The following ADK variants were observed in gnomAD, a reference collection of about 807,000 sequenced individuals.
ADK encodes the protein N6,N6-dimethyladenosine kinase.
Under a neutral mutation model 44.7 loss-of-function variants are expected in ADK, and 24 were observed. The ratio of observed to expected loss-of-function variants is 0.54; its 90% CI spans 0.39 to 0.76. The LOEUF (loss-of-function observed/expected upper bound fraction) is 0.76. Ranked by LOEUF, ADK falls within the 30% of genes least tolerant of loss-of-function variation. The pLI is 0.00. For missense variants in ADK, 321 were observed against 425.1 expected (o/e 0.76, Z 2.15); for synonymous variants, 128 against 142.6 (o/e 0.90, Z 0.73).
chr10:74,187,630 A>G (rs1842805275), intron 1 of ADK, among the ~76,000 whole-genome samples: 1 of 152,002 alleles, frequency 6.6e-6, no homozygotes, highest in East Asian at 1.9e-4. Flanking sequence ...GAATTTGTTG[A>G]TTTATTTTAT....
chr10:74,582,789 A>G (rs1392430345), intron 7 of ADK, among the ~76,000 whole-genome samples: 1 of 152,174 alleles, frequency 6.6e-6, no homozygotes, highest in Non-Finnish European at 1.5e-5. Context: ...AAAATGTTAA[A>G]TAATATTTTT....
intron 7 of ADK, among the ~76,000 whole-genome samples, chr10:74,538,482 C>T (rs1287948607): frequency 6.6e-6 from 1 of 152,126 alleles, no homozygotes; most frequent in Non-Finnish European, 1.5e-5. Context: ...AATTACAAAA[C>T]AGTGAGCAAA....
chr10:74,518,927 A>C (rs376389954), intron 6 of ADK, among the ~76,000 whole-genome samples: 3 of 151,956 alleles, frequency 2.0e-5, no homozygotes, highest in Non-Finnish European at 4.4e-5. Context: ...AGCATTTTCT[A>C]CTTTACTACT....
At chr10:74,388,158 C>T (rs1430591103) in intron 4 of ADK, among the ~76,000 whole-genome samples, 12 of 152,180 alleles carry the variant, frequency 7.9e-5, no homozygotes, top group South Asian at 2.1e-4. Flanking sequence ...CTGCCTGCCT[C>T]GGCTTCCCAA....
intron 9 of ADK, among the ~76,000 whole-genome samples, chr10:74,664,868 T>C (rs575297033): frequency 3.3e-5 from 5 of 152,234 alleles, no homozygotes; most frequent in East Asian, 1.9e-4. Context: ...TATGTGATTC[T>C]GGACTGAATT....
At chr10:74,401,983 TC>T (rs1276572471) in intron 6 of ADK, among the ~76,000 whole-genome samples, 2 of 152,204 alleles carry the variant, frequency 1.3e-5, no homozygotes, top group African/African-American at 4.8e-5. Context: ...GGATTTTATT[TC>T]TCCTTCACTT....
At chr10:74,502,453 C>T (rs1327072445) in intron 6 of ADK, among the ~76,000 whole-genome samples, 1 of 151,958 alleles carries the variant, frequency 6.6e-6, no homozygotes, top group Non-Finnish European at 1.5e-5. Context: ...TCACAGAAGG[C>T]ACCTATATTT....
chr10:74,685,366 C>G (rs1855749500), intron 10 of ADK, among the ~76,000 whole-genome samples: 3 of 152,188 alleles, frequency 2.0e-5, no homozygotes, highest in Admixed American at 2.0e-4. Flanking sequence ...ATGACCAGTT[C>G]TAAAGCCTAA....
At chr10:74,448,001 G>A (rs967831312) in intron 6 of ADK, among the ~76,000 whole-genome samples, 5 of 151,858 alleles carry the variant, frequency 3.3e-5, no homozygotes, top group African/African-American at 9.7e-5. Flanking sequence ...TGGTGAAACC[G>A]CATCTCTACT....
chr10:74,294,895 G>A (rs1441813661), intron 3 of ADK, among the ~76,000 whole-genome samples: 1 of 151,944 alleles, frequency 6.6e-6, no homozygotes, highest in Non-Finnish European at 1.5e-5. Context: ...TTGCTCCGTT[G>A]CTCAGGCTGG....
chr10:74,478,069 GT>G (rs1846924804), intron 6 of ADK, among the ~76,000 whole-genome samples: 1 of 152,058 alleles, frequency 6.6e-6, no homozygotes, highest in Non-Finnish European at 1.5e-5. Context: ...TTATTATAGG[GT>G]TTTTTGGTTT....
intron 9 of ADK, among the ~76,000 whole-genome samples, chr10:74,601,374 TTTTC>T (rs1330115200): frequency 2.6e-5 from 4 of 152,270 alleles, no homozygotes; most frequent in Non-Finnish European, 5.9e-5. Context: ...TGTCAAGATA[TTTTC>T]TTTCTTTTTT....
rs111490822 is a variant in ADK, at chr10:74,375,194, C to T, written c.274-18947C>T. ...ATACATTTTAATTATCCTATAAAAA[C>T]TTAATTACCAATATTGTTTGTAGAT... On this transcript the variant is annotated intron_variant, in intron 4 of 10. Coordinates refer to ENST00000539909, the MANE Select transcript of ADK (RefSeq NM_006721.4). 5.2e-3 allele frequency among the ~76,000 whole-genome samples: 798 copies of T among 152,176 alleles called. 13 individuals are homozygous for T. Among genetic ancestry groups the T allele is most frequent in the African/African-American group, 0.017 (722 of 41,524 alleles).
intron 9 of ADK, chr10:74,654,821 GAAAAAAA>G (rs11354070): frequency 1.5e-5 from 2 of 136,754 alleles, no homozygotes; most frequent in Admixed American, 1.4e-4. Flanking sequence ...TGTCTCAATA[GAAAAAAA>G]AAAAAAAGGC....
intron 2 of ADK, among the ~76,000 whole-genome samples, chr10:74,203,757 GATTATT>G (rs141988599): frequency 1.9e-4 from 29 of 149,008 alleles, no homozygotes; most frequent in African/African-American, 5.4e-4. Flanking sequence ...TGTTTTTCAA[GATTATT>G]ATTATTATTA....
intron 4 of ADK, among the ~76,000 whole-genome samples, chr10:74,345,207 A>C (rs1841722479): frequency 6.6e-6 from 1 of 151,740 alleles, no homozygotes; most frequent in Non-Finnish European, 1.5e-5. Flanking sequence ...GTATTTGTCC[A>C]TTTCATCTAA....
At chr10:74,323,737 A>AT (rs34006665) in intron 4 of ADK, among the ~76,000 whole-genome samples, 1 of 151,562 alleles carries the variant, frequency 6.6e-6, no homozygotes, top group African/African-American at 2.4e-5. Flanking sequence ...CACCCGGCTA[A>AT]TTTTTTGCAT....
intron 3 of ADK, among the ~76,000 whole-genome samples, chr10:74,229,176 G>T (rs949554159): frequency 6.6e-6 from 1 of 151,970 alleles, no homozygotes; most frequent in Non-Finnish European, 1.5e-5. Context: ...GCCAATTTAC[G>T]ATTATGATGA....
chr10:74,416,748 C>T (rs558563714), intron 6 of ADK, among the ~76,000 whole-genome samples: 1 of 151,834 alleles, frequency 6.6e-6, no homozygotes, highest in East Asian at 1.9e-4. Flanking sequence ...TTGTTTCTGT[C>T]TTCATTCTAT....
Sources: allele counts gnomAD v4.1 joint callset (sites outside exome capture counted in the v4.1 genomes callset), GRCh38; gene constraint gnomAD v4.1.1; transcripts MANE v1.5; gene names NCBI Gene and HGNC (gene_info 2026-07-23, HGNC 2026-07-21).